Variants in MALAT1 observed in about 807,000 individuals in gnomAD.
The protein encoded by MALAT1 is metastasis associated lung adenocarcinoma transcript 1, also known as hepcarcin.
chr11:65,499,399 G>A lies in MALAT1; in HGVS notation n.662G>A, dbSNP rs113063219. ...GCCCCGAATTAATACCAATAGAAGG[G>A]CAATGCTTTTAGATTAAAATGAAGG... On this transcript the variant is annotated non_coding_transcript_exon_variant, in exon 3 of 4. Transcript: ENST00000619449. 9 of 486,514 alleles carry A rather than the reference G, an allele frequency of 1.8e-5. No individual in the cohort carries two copies. In the East Asian group the frequency reaches 2.9e-4, roughly 16 times the overall value. 30.1% of individuals were successfully genotyped at this position (486,514 alleles called of 1,614,324 possible).
exon 3 of MALAT1, chr11:65,502,944 G>A (rs376153746): frequency 2.8e-5 from 14 of 495,150 alleles, no homozygotes; most frequent in African/African-American, 2.3e-4. Context: ...CAATGAAGAG[G>A]CAATGTCCAT....
exon 3 of MALAT1, chr11:65,501,602 T>G (rs1209261996): frequency 7.7e-6 from 4 of 518,962 alleles, no homozygotes; most frequent in South Asian, 5.6e-5. Flanking sequence ...GATGCTATAG[T>G]ACTATTGACA....
At chr11:65,503,701 TG>T (rs757261047) in exon 3 of MALAT1, 3 of 517,768 alleles carry the variant, frequency 5.8e-6, no homozygotes, top group South Asian at 1.4e-5. Context: ...GGGGCAATCT[TG>T]GGGGGGATTC....
exon 3 of MALAT1, chr11:65,500,502 C>CA (rs768032342): frequency 1.1e-4 from 57 of 518,768 alleles, no homozygotes; most frequent in Non-Finnish European, 2.1e-4. Context: ...AGCGAGCAAG[C>CA]AGCAGTTCGT....
chr11:65,500,603 C>G (rs1384857272), exon 3 of MALAT1: 1 of 518,748 alleles, frequency 1.9e-6, no homozygotes, highest in Admixed American at 1.9e-5. Flanking sequence ...GGTGGTGAAG[C>G]TAGGAAAAAG....
rs576087101 is a variant in MALAT1, at chr11:65,506,151, G to A, written n.5169-109G>A. 1.1e-3 allele frequency: 431 copies of A among 410,152 alleles called. 2 individuals are homozygous for A. Among genetic ancestry groups the A allele is most frequent in the South Asian group, 7.5e-3 (398 of 53,382 alleles). 25.4% of individuals were successfully genotyped at this position (410,152 alleles called of 1,614,324 possible). A position where few individuals can be genotyped will look rare whatever the true frequency, so the allele number is the denominator to read the frequency against. On this transcript the variant is annotated intron_variant and non_coding_transcript_variant, in intron 3 of 3. Coordinates refer to ENST00000619449, the Ensembl canonical transcript of MALAT1. ...GGTTGGCACTCCTGGTTTCCAGGAC[G>A]GGGTTCAAATCCCTGCGGCGTCTTT... is the stretch of plus-strand genomic sequence containing the variant.
At chr11:65,500,887 G>A (rs1191708392) in exon 3 of MALAT1, 3 of 516,394 alleles carry the variant, frequency 5.8e-6, no homozygotes, top group African/African-American at 1.9e-5. Context: ...ATATGGGGAC[G>A]TAGGCCGATT....
exon 3 of MALAT1, chr11:65,499,534 C>T (rs377353346): frequency 2.2e-6 from 1 of 458,638 alleles, no homozygotes; most frequent in Admixed American, 2.5e-5. Flanking sequence ...ACCTTGAAAT[C>T]CATGACGCAG....
chr11:65,500,925 A>T (rs1162083655), exon 3 of MALAT1: 1 of 509,446 alleles, frequency 2.0e-6, no homozygotes. Flanking sequence ...TCTCTTTTTC[A>T]GGCTTATACT....
chr11:65,500,373 C>G (rs550425999), exon 3 of MALAT1: 2 of 518,778 alleles, frequency 3.9e-6, no homozygotes, highest in African/African-American at 1.9e-5. Context: ...ATCCTGAGGA[C>G]TAGCATTAAT....
At chr11:65,506,433 TAAC>T (rs746726020), downstream of MALAT1, 4 of 344,080 alleles carry the variant, frequency 1.2e-5, no homozygotes, top group African/African-American at 2.2e-5. Flanking sequence ...GCTGAAAACT[TAAC>T]AATTTTGTGT....
At chr11:65,499,349 G>T (rs1197343526) in exon 3 of MALAT1, 1 of 495,318 alleles carries the variant, frequency 2.0e-6, no homozygotes, top group Non-Finnish European at 4.0e-6. Context: ...GTATTTAAAA[G>T]AAAATTGAGA....
chr11:65,498,549 C>T (rs763351577), intron 1 of MALAT1: 24 of 518,400 alleles, frequency 4.6e-5, no homozygotes, highest in Middle Eastern at 3.2e-4. Flanking sequence ...GGGAGCAAGT[C>T]GCAGGACTGC....
chr11:65,499,514 T>C (rs773287823), exon 3 of MALAT1: 11 of 461,528 alleles, frequency 2.4e-5, no homozygotes, highest in Non-Finnish European at 4.7e-5. Flanking sequence ...AAACCGAAGG[T>C]GATTAAAAGA....
chr11:65,503,330 C>T (rs371646684), exon 3 of MALAT1: 1 of 518,586 alleles, frequency 1.9e-6, no homozygotes, highest in African/African-American at 1.9e-5. Context: ...GAAATTTTTC[C>T]ATCGAGCCTT....
intron 3 of MALAT1, chr11:65,505,421 C>G (rs1259691424): frequency 1.9e-6 from 1 of 514,220 alleles, no homozygotes; most frequent in Non-Finnish European, 3.9e-6. Context: ...GTTTTTATAG[C>G]AGCTCTTAAT....
chr11:65,498,134 C>T, intron 1 of MALAT1: 1 of 518,934 alleles, frequency 1.9e-6, no homozygotes, highest in South Asian at 1.4e-5. Flanking sequence ...AAAAAGCAGA[C>T]CCAGAGCAGT....
exon 3 of MALAT1, chr11:65,501,957 TAA>T (rs771833705): frequency 1.5e-4 from 78 of 516,984 alleles, no homozygotes; most frequent in South Asian, 6.0e-4. Context: ...CCAGAGAACT[TAA>T]AGTCTTAGAA....
chr11:65,498,570 G>C (rs1441366830), intron 1 of MALAT1: 2 of 518,656 alleles, frequency 3.9e-6, no homozygotes, highest in Non-Finnish European at 7.7e-6. Context: ...AAGCAGTTGG[G>C]GGAGAAAGTC....
Sources: gnomAD v4.1 joint callset for allele counts on GRCh38, gnomAD v4.1.1 for gene constraint, MANE v1.5 for transcripts, NCBI Gene and HGNC (gene_info 2026-07-23, HGNC 2026-07-21) for gene names.